ACER2: variants seen among roughly 807,000 people sequenced by gnomAD.
The protein encoded by ACER2 is alkaline ceramidase 2.
ACER2 carries 26 observed loss-of-function variants against 34.7 expected under a neutral mutation model. That is an observed-to-expected ratio of 0.75 (90% confidence interval 0.55 to 1.04). The LOEUF is 1.04. Ranked by LOEUF, ACER2 falls within the 50% of genes least tolerant of loss-of-function variation. The pLI is 0.00. For synonymous variants in ACER2, 138 were observed against 132.1 expected, an observed-to-expected ratio of 1.04 and a Z score of -0.31; for missense variants, 352 against 340.8, an observed-to-expected ratio of 1.03 and a Z score of -0.26.
chr9:19,436,572 A>G (rs200491315), intron 4 of ACER2, among the ~76,000 whole-genome samples: 1 of 151,054 alleles, frequency 6.6e-6, no homozygotes, highest in Non-Finnish European at 1.5e-5. Flanking sequence ...TTTTTTTTAA[A>G]TAAAAATTAG....
intron 4 of ACER2, among the ~76,000 whole-genome samples, chr9:19,442,706 A>G (rs1316725585): frequency 6.6e-6 from 1 of 152,242 alleles, no homozygotes; most frequent in Non-Finnish European, 1.5e-5. Flanking sequence ...CTCGTGTCCC[A>G]GACTAATTGT....
In ACER2 at chr9:19,445,744, A is replaced by G. The variant is rs115760738; in HGVS notation, c.504-537A>G. ...GAGGTGAAGGGGAAAAGGGAAGATC[A>G]TGCATCCGGGGCCTTGTGGCCACTG... is the stretch of plus-strand genomic sequence containing the variant. On this transcript the variant is annotated intron_variant, in intron 4 of 5. Coordinates refer to ENST00000340967, the MANE Select transcript of ACER2 (RefSeq NM_001010887.3). 7.9e-3 allele frequency among the ~76,000 whole-genome samples: 1,202 copies of G among 152,268 alleles called. 8 individuals are homozygous for G. Among genetic ancestry groups the G allele is most frequent in the African/African-American group, 0.027 (1,131 of 41,536 alleles).
intron 5 of ACER2, among the ~76,000 whole-genome samples, chr9:19,447,173 A>C (rs969390892): frequency 2.0e-5 from 3 of 152,208 alleles, no homozygotes; most frequent in Non-Finnish European, 2.9e-5. Flanking sequence ...TTCTGATTGC[A>C]AAAGATCACA....
intron 3 of ACER2, among the ~76,000 whole-genome samples, chr9:19,428,227 G>A (rs139332778): frequency 2.6e-5 from 4 of 151,736 alleles, no homozygotes; most frequent in African/African-American, 9.7e-5. Context: ...GAGTGCAATA[G>A]TACGATCTCG....
chr9:19,436,166 C>A (rs1015637593), intron 4 of ACER2, among the ~76,000 whole-genome samples: 5 of 151,916 alleles, frequency 3.3e-5, no homozygotes, highest in African/African-American at 9.7e-5. Context: ...GTCCTCTTGC[C>A]TCAGCGTCCC....
At position 19,449,306 on chromosome 9, in the gene ACER2, C is replaced by T. The variant is rs572806634; in HGVS notation, c.642-1144C>T. ...AACACCCAGATTCCATAACTATCAA[C>T]ACGAGGCCAATCTGGTTCATACCAT... On this transcript the variant is annotated intron_variant, in intron 5 of 5. Coordinates refer to ENST00000340967, the MANE Select transcript of ACER2 (RefSeq NM_001010887.3). 3.3e-5 allele frequency among the ~76,000 whole-genome samples: 5 copies of T among 152,314 alleles called. No individual in the cohort carries two copies. The South Asian group carries it at 8.3e-4, about 25-fold the overall frequency.
intron 2 of ACER2, 173 bp from the exon 3 acceptor site, chr9:19,424,527 C>G: frequency 2.0e-6 from 2 of 985,396 alleles, no homozygotes; most frequent in Non-Finnish European, 2.4e-6. Context: ...TCTTTCTAGA[C>G]TGGAGGCATG....
chr9:19,418,845 A>T (rs1292665637), intron 1 of ACER2, among the ~76,000 whole-genome samples: 2 of 152,104 alleles, frequency 1.3e-5, no homozygotes, highest in Non-Finnish European at 2.9e-5. Flanking sequence ...AAGTGTAATT[A>T]AAAAAAGAAG....
At position 19,450,735 on chromosome 9, in the gene ACER2, G is replaced by T. The variant is rs1328260452; in HGVS notation, c.*99G>T. 7 of 1,207,230 alleles carry T rather than the reference G, an allele frequency of 5.8e-6. No individual in the cohort carries two copies. In the East Asian group the frequency reaches 1.5e-4, roughly 25 times the overall value. The allele number at this position is 1,207,230 out of a possible 1,614,324, so 74.8% of individuals were successfully genotyped here. Reference sequence around the variant, plus strand: ...AGGGAGTTCGAATAGTTGGGGTGTGGGCTATCTTTTCAAAAATCTATTTGC... The same window carrying T: ...AGGGAGTTCGAATAGTTGGGGTGTGTGCTATCTTTTCAAAAATCTATTTGC... On this transcript the variant is annotated 3_prime_UTR_variant, in exon 6 of 6. Transcript: ENST00000340967.
intron 3 of ACER2, among the ~76,000 whole-genome samples, chr9:19,433,881 C>G (rs1295597720): frequency 2.6e-5 from 4 of 151,902 alleles, no homozygotes; most frequent in Non-Finnish European, 4.4e-5. Context: ...CCCCTCACCT[C>G]CCGGACGGGG....
chr9:19,446,722 G>C (rs572352119), intron 5 of ACER2: 8 of 796,776 alleles, frequency 1.0e-5, no homozygotes, highest in African/African-American at 1.9e-5. Context: ...TGTAACCTGA[G>C]CTCTAGCTAG....
At chr9:19,428,853 G>A (rs770707004) in intron 3 of ACER2, among the ~76,000 whole-genome samples, 5 of 133,824 alleles carry the variant, frequency 3.7e-5, no homozygotes, top group Admixed American at 8.2e-5. Context: ...GCGGTGGTGC[G>A]ATCTTGGCTG....
chr9:19,442,965 TG>T (rs1563890482), intron 4 of ACER2, among the ~76,000 whole-genome samples: 2 of 152,044 alleles, frequency 1.3e-5, no homozygotes, highest in Non-Finnish European at 2.9e-5. Flanking sequence ...CCCGAGTAGC[TG>T]GGACTACAGA....
At chr9:19,421,454 A>T (rs539479385) in intron 1 of ACER2, among the ~76,000 whole-genome samples, 3 of 152,362 alleles carry the variant, frequency 2.0e-5, no homozygotes, top group South Asian at 2.1e-4. Context: ...GATGAACCTT[A>T]AAAACATTAT....
chr9:19,414,631 T>G (rs367658642), intron 1 of ACER2, among the ~76,000 whole-genome samples: 45 of 152,240 alleles, frequency 3.0e-4, no homozygotes, highest in African/African-American at 1.1e-3. Context: ...AACCCTACCC[T>G]GTCTCTACAA....
intron 1 of ACER2, among the ~76,000 whole-genome samples, chr9:19,416,245 A>G (rs1287644712): frequency 6.6e-6 from 1 of 152,180 alleles, no homozygotes; most frequent in Admixed American, 6.6e-5. Flanking sequence ...TAACAAGAGG[A>G]AAGCCATGTT....
chr9:19,426,238 A>G (rs1370035152), intron 3 of ACER2, among the ~76,000 whole-genome samples: 4 of 148,720 alleles, frequency 2.7e-5, no homozygotes, highest in Non-Finnish European at 4.5e-5. Flanking sequence ...TAAAAAAAAA[A>G]AAACAAAATT....
At chr9:19,448,099 C>T (rs1029866432) in intron 5 of ACER2, among the ~76,000 whole-genome samples, 13 of 151,322 alleles carry the variant, frequency 8.6e-5, no homozygotes, top group Non-Finnish European at 1.5e-4. Context: ...CTCTGCCTCC[C>T]GGACTGAAAG....
intron 5 of ACER2, 115 bp from the exon 6 acceptor site, chr9:19,450,335 G>A: frequency 4.4e-6 from 6 of 1,373,796 alleles, no homozygotes; most frequent in Non-Finnish European, 5.7e-6. Flanking sequence ...AGGCCCCTGG[G>A]CTGCAACTAC....
Sources: allele counts gnomAD v4.1 joint callset (sites outside exome capture counted in the v4.1 genomes callset), GRCh38; gene constraint gnomAD v4.1.1; transcripts MANE v1.5; gene names NCBI Gene and HGNC (gene_info 2026-07-23, HGNC 2026-07-21).